Variants in CEP152 observed in about 807,000 individuals in gnomAD.
CEP152 encodes centrosomal protein of 152 kDa.
CEP152 carries 132 observed loss-of-function variants against 188.9 expected under a neutral mutation model. The ratio of observed to expected loss-of-function variants is 0.70; its 90% CI spans 0.61 to 0.81. CEP152 has a LOEUF of 0.81. CEP152 is among the 30% of genes least tolerant of loss of function. The probability of loss-of-function intolerance (pLI) is 0.00; values close to 1 mark genes in which losing one functional copy is unlikely to be tolerated. For missense variants in CEP152, 1,914 were observed against 1,969.8 expected (o/e 0.97, Z 0.54); for synonymous variants, 649 against 666.6 (o/e 0.97, Z 0.41).
chr15:48,744,687 T>A (rs764223920), intron 23 of CEP152, among the ~76,000 whole-genome samples: 42 of 152,124 alleles, frequency 2.8e-4, no homozygotes, highest in Non-Finnish European at 4.7e-4. Context: ...TAAAAACACA[T>A]TGTGCATGTG....
At chr15:48,763,584 G>C (rs1325052899) in intron 17 of CEP152, among the ~76,000 whole-genome samples, 1 of 152,076 alleles carries the variant, frequency 6.6e-6, no homozygotes, top group Non-Finnish European at 1.5e-5. Flanking sequence ...TGAGGCAGGA[G>C]AATCACTTGA....
At chr15:48,794,929 G>A (rs1395086498) in intron 6 of CEP152, among the ~76,000 whole-genome samples, 4 of 152,164 alleles carry the variant, frequency 2.6e-5, no homozygotes, top group South Asian at 2.1e-4. Context: ...CCCAGTGTAC[G>A]ATGGAAGCAA....
Position 48,756,353 on chromosome 15 carries a change from T to C in CEP152, c.2895A>G (p.Gln965=), listed in dbSNP as rs1382711328. The C allele has an allele frequency of 1.9e-6, 3 of 1,575,628 alleles. No individual in the cohort carries two copies. Among genetic ancestry groups the C allele is most frequent in the Non-Finnish European group, 2.6e-6 (3 of 1,164,816 alleles). Residue 965 remains glutamine, a synonymous_variant, in exon 20 of 27, where the codon CAA becomes CAG. Transcript: ENST00000380950. ...KARSEWNKEK[Q]EEIHRIQEQN... is the part of the protein sequence containing the mutation. ...GTTCTTGGATTCTGTGGATTTCTTC[T>C]TGCTTTTCTTTGTTCCATTCACTCC...
intron 15 of CEP152, 106 bp downstream of exon 15, chr15:48,768,113 T>C: frequency 1.3e-6 from 1 of 742,672 alleles, no homozygotes; most frequent in Non-Finnish European, 2.5e-6. Flanking sequence ...CTCAACAGGG[T>C]AGAAATCACT....
At chr15:48,729,746 G>A (rs1027545956) in intron 2 of CEP152, 12 of 152,058 alleles carry the variant, frequency 7.9e-5, no homozygotes, top group East Asian at 1.9e-4. Flanking sequence ...TACATACTAT[G>A]TACATGCATA....
At chr15:48,731,784 C>T (rs1892431554) in intron 2 of CEP152, among the ~76,000 whole-genome samples, 1 of 152,052 alleles carries the variant, frequency 6.6e-6, no homozygotes, top group South Asian at 2.1e-4. Context: ...TGCAATCTAC[C>T]CATCTGACAA....
chr15:48,797,350 T>C lies in CEP152; in HGVS notation c.491A>G (p.Gln164Arg). The C allele has an allele frequency of 6.2e-7, 1 of 1,614,104 alleles. No individual in the cohort carries two copies. Among genetic ancestry groups the C allele is most frequent in the South Asian group, 1.1e-5 (1 of 91,086 alleles). ...TNGQKQEFNN[Q>R]ATNVIKFSDP... ...TGAAAATTTAATTACATTGGTTGCT[T>C]GGTTATTAAATTCCTGCTTCTGACC... Residue 164 changes from glutamine (Q) to arginine (R), a missense_variant, in exon 5 of 27, where the codon CAA becomes CGA. Gln to Arg is a conservative substitution (Grantham distance 43). Transcript: ENST00000380950.
rs777749052 is a variant in CEP152, at chr15:48,756,139, G to A, written c.3109C>T (p.Leu1037=). The stretch of plus-strand genomic sequence containing the variant: ...TCTTCCTCATACTGATAGATTTCCA[G>A]TTGGATCCGCTTGGCTTCCTGCATA... ...WTMQEAKRIQ[L]EIYQYEEDIL... The change falls in exon 20 of 27, where the codon CTG becomes TTG. Residue 1037 remains leucine, a synonymous_variant. Coordinates refer to ENST00000380950, the MANE Select transcript of CEP152 (RefSeq NM_001194998.2). The A allele has an allele frequency of 3.7e-6, 6 of 1,613,978 alleles. No individual in the cohort carries two copies. The highest frequency in any genetic ancestry group is 2.7e-5 in the African/African-American group (2 of 74,906).
In CEP152 at chr15:48,756,384, T is replaced by A. The variant is rs756253532; in HGVS notation, c.2864A>T (p.Lys955Met). 7 of 1,604,524 alleles carry A rather than the reference T, an allele frequency of 4.4e-6. No individual in the cohort carries two copies. The Admixed American group carries it at 1.2e-4, about 27-fold the overall frequency. Residue 955 changes from lysine (K) to methionine (M), a missense_variant, in exon 20 of 27, where the codon AAG becomes ATG. Physicochemically the swap from Lys to Met is moderately conservative, Grantham distance 95. Coordinates refer to ENST00000380950, the MANE Select transcript of CEP152 (RefSeq NM_001194998.2). ...TTCTTTGTTCCATTCACTCCGAGCC[T>A]TAGCTAACTCAGCCCTGATGACCAC... ...VPVVIRAELA[K>M]ARSEWNKEKQ...
At chr15:48,729,596 A>G (rs550346815) in intron 2 of CEP152, 1 of 152,322 alleles carries the variant, frequency 6.6e-6, no homozygotes, top group African/African-American at 2.4e-5. Context: ...TCAATATTCA[A>G]TGTCCTAAAT....
intron 22 of CEP152, among the ~76,000 whole-genome samples, chr15:48,746,375 C>T (rs1408641042): frequency 3.3e-5 from 5 of 152,068 alleles, no homozygotes; most frequent in Admixed American, 1.3e-4. Flanking sequence ...CTGCCCTTAT[C>T]GCCATATTCT....
At chr15:48,739,391 T>G in intron 26 of CEP152, 103 bp from the exon 27 acceptor site, 2 of 1,415,060 alleles carry the variant, frequency 1.4e-6, no homozygotes, top group Non-Finnish European at 1.8e-6. Context: ...AAGAAAAAAT[T>G]TATGTTTTTA....
At chr15:48,767,962 AT>A (rs1483525398) in intron 15 of CEP152, among the ~76,000 whole-genome samples, 2 of 152,224 alleles carry the variant, frequency 1.3e-5, no homozygotes, top group Non-Finnish European at 2.9e-5. Context: ...CTTTAAAAAA[AT>A]ATTAACCTAT....
intron 21 of CEP152, among the ~76,000 whole-genome samples, chr15:48,749,892 C>T (rs1425637997): frequency 1.3e-5 from 2 of 151,696 alleles, no homozygotes; most frequent in Middle Eastern, 3.2e-3. Flanking sequence ...TAGAATACAA[C>T]AGTAGATTAA....
chr15:48,768,950 A>C lies in CEP152; in HGVS notation c.1908+6T>G. The C allele has an allele frequency of 6.7e-7, 1 of 1,482,270 alleles. No homozygotes were observed. Among genetic ancestry groups the C allele is most frequent in the Non-Finnish European group, 9.3e-7 (1 of 1,079,800 alleles). 91.8% of individuals were successfully genotyped at this position (1,482,270 alleles called of 1,614,324 possible). On this transcript the variant is annotated splice_donor_region_variant and intron_variant, in intron 14 of 26. Coordinates refer to ENST00000380950, the MANE Select transcript of CEP152 (RefSeq NM_001194998.2). ...CTCATAAAATATAAAAAATATTTTT[A>C]ATCACCTGATTTTGTTGTTGTAAAA...
At chr15:48,748,340 C>CA in intron 22 of CEP152, 103 bp downstream of exon 22, 1 of 1,302,878 alleles carries the variant, frequency 7.7e-7, no homozygotes, top group Non-Finnish European at 9.7e-7. Context: ...ATATTAATCC[C>CA]AAAAGAGGAT....
At chr15:48,730,267 A>C (rs549195801) in intron 2 of CEP152, among the ~76,000 whole-genome samples, 3 of 152,310 alleles carry the variant, frequency 2.0e-5, no homozygotes, top group African/African-American at 7.2e-5. Context: ...GAAGGAAAGG[A>C]GCCCATGCCC....
At chr15:48,801,682 C>A (rs1897675782) in intron 2 of CEP152, among the ~76,000 whole-genome samples, 1 of 152,206 alleles carries the variant, frequency 6.6e-6, no homozygotes, top group African/African-American at 2.4e-5. Flanking sequence ...TCTGGTGACA[C>A]TGCAGAAAGT....
chr15:48,778,641 G>A (rs1304937051), intron 12 of CEP152, among the ~76,000 whole-genome samples: 1 of 152,028 alleles, frequency 6.6e-6, no homozygotes, highest in African/African-American at 2.4e-5. Flanking sequence ...ATTATCTATA[G>A]GAATGTGCTT....
Sources: allele counts gnomAD v4.1 joint callset (sites outside exome capture counted in the v4.1 genomes callset), GRCh38; gene constraint gnomAD v4.1.1; transcripts MANE v1.5; gene names NCBI Gene and HGNC (gene_info 2026-07-23, HGNC 2026-07-21).